The following ARHGAP26 variants were observed in gnomAD, a reference collection of about 807,000 sequenced individuals.
The protein encoded by ARHGAP26 is Rho GTPase activating protein 26, also known as rho GTPase-activating protein 26.
Under a neutral mutation model 104.8 loss-of-function variants are expected in ARHGAP26, and 38 were observed. The observed-to-expected ratio is 0.36, with a 90% confidence interval of 0.28 to 0.48. The LOEUF (loss-of-function observed/expected upper bound fraction) is 0.48, where lower values mean the gene tolerates loss of function less well. Among genes scored for constraint, ARHGAP26 ranks in the 20% least tolerant of loss-of-function variants. The pLI, the probability that ARHGAP26 is intolerant of heterozygous loss-of-function variation, is 0.99. For missense variants in ARHGAP26, 704 were observed against 947.9 expected (o/e 0.74, Z 3.38); for synonymous variants, 341 against 340.0 (o/e 1.00, Z -0.03).
At chr5:142,805,124 A>G (rs893270501) in intron 1 of ARHGAP26, among the ~76,000 whole-genome samples, 5 of 121,254 alleles carry the variant, frequency 4.1e-5, no homozygotes, top group African/African-American at 1.6e-4. Flanking sequence ...TTTTTTTGAG[A>G]TGGAGTTTCA....
chr5:142,991,438 A>C (rs1435786010), intron 11 of ARHGAP26, among the ~76,000 whole-genome samples: 1 of 152,054 alleles, frequency 6.6e-6, no homozygotes, highest in African/African-American at 2.4e-5. Context: ...TGCCCTGCTT[A>C]GGCTCACACT....
Position 143,056,083 on chromosome 5 carries a change from G to T in ARHGAP26, c.1429G>T (p.Ala477Ser). ...GTTTCAAAGAAGTTTCATCAAAGCA[G>T]CAAGTAAGTCTTTTTTGTCTCAGTT... ...YQFQRSFIKA[A>S]KLENQESRVS... is the part of the protein sequence containing the mutation. The change falls in exon 16 of 23, where the codon GCA (alanine) becomes TCA (serine). Residue 477 changes from alanine to serine, a missense_variant. Ala to Ser is a moderately conservative substitution (Grantham distance 99, BLOSUM62 1). Coordinates refer to ENST00000645722, the MANE Select transcript of ARHGAP26 (RefSeq NM_001135608.3). 6.2e-7 allele frequency: 1 copy of T among 1,612,702 alleles called. No homozygotes were observed.
chr5:142,864,928 C>T (rs1753999188), intron 1 of ARHGAP26, among the ~76,000 whole-genome samples: 1 of 152,366 alleles, frequency 6.6e-6, no homozygotes, highest in South Asian at 2.1e-4. Flanking sequence ...TTACCTTCCC[C>T]TTGCCCCGTG....
chr5:143,207,819 G>A (rs1808812411), intron 21 of ARHGAP26, among the ~76,000 whole-genome samples: 1 of 152,230 alleles, frequency 6.6e-6, no homozygotes, highest in Non-Finnish European at 1.5e-5. Flanking sequence ...ATGTTTATCA[G>A]GCAGCGTCAG....
In ARHGAP26 at chr5:143,041,899, C is replaced by A. The variant is rs754571590; in HGVS notation, c.1285+9C>A. 6.3e-7 allele frequency: 1 copy of A among 1,577,780 alleles called. No individual in the cohort carries two copies. The highest frequency in any genetic ancestry group is 8.6e-7 in the Non-Finnish European group (1 of 1,161,080). Reference sequence around the variant, plus strand: ...GCTGAGTGTCCTGATGGGTGAGTGCCGCAGTGGCTCTGCTAGGCAGGTCCC... The same window carrying A: ...GCTGAGTGTCCTGATGGGTGAGTGCAGCAGTGGCTCTGCTAGGCAGGTCCC... On this transcript the variant is annotated intron_variant, in intron 14 of 22. Transcript: ENST00000645722.
Position 143,223,367 on chromosome 5 carries a change from C to T in ARHGAP26, c.*921C>T, listed in dbSNP as rs548949353. 9 of 232,832 alleles carry T rather than the reference C, an allele frequency of 3.9e-5. No homozygotes were observed. The South Asian group carries it at 1.3e-3, about 33-fold the overall frequency. 14.4% of individuals were successfully genotyped at this position (232,832 alleles called of 1,614,324 possible). A position where few individuals can be genotyped will look rare whatever the true frequency, so the allele number is the denominator to read the frequency against. The stretch of plus-strand genomic sequence containing the variant: ...TTCCCTTTCTGATTAATTTCAGCAG[C>T]ATCGGAATATATTTGGAGCACACCC... On this transcript the variant is annotated 3_prime_UTR_variant, in exon 23 of 23. Transcript: ENST00000645722.
intron 1 of ARHGAP26, among the ~76,000 whole-genome samples, chr5:142,781,614 G>C (rs1162400071): frequency 6.6e-6 from 1 of 152,188 alleles, no homozygotes; most frequent in East Asian, 1.9e-4. Context: ...AGGAGGCTGT[G>C]TGCCAGGGAA....
chr5:142,813,206 G>A (rs143609737), intron 1 of ARHGAP26, among the ~76,000 whole-genome samples: 16,114 of 152,208 alleles, frequency 0.11, 1,234 homozygotes, highest in Non-Finnish European at 0.17. Flanking sequence ...CTCCCAGAGT[G>A]CGGGGATTAC....
At chr5:142,804,302 A>G (rs1210883895) in intron 1 of ARHGAP26, among the ~76,000 whole-genome samples, 1 of 152,196 alleles carries the variant, frequency 6.6e-6, no homozygotes, top group African/African-American at 2.4e-5. Flanking sequence ...TAACTATTAC[A>G]CATAACTTGC....
rs866866372 is a variant in ARHGAP26 at position 142,831,697 on chromosome 5, C to T, written c.155-41703C>T. Among the ~76,000 whole-genome samples, 14 of 152,238 alleles carry T rather than the reference C, an allele frequency of 9.2e-5. No individual in the cohort carries two copies. In the South Asian group the frequency reaches 2.9e-3, roughly 32 times the overall value. ...AACCTGCAGCCCCCACCCTCTGCCA[C>T]CCATCCCTGGGTCTTTGGATGGTGA... On this transcript the variant is annotated intron_variant, in intron 1 of 22. Transcript: ENST00000645722.
At chr5:142,821,276 T>C (rs1347127859) in intron 1 of ARHGAP26, among the ~76,000 whole-genome samples, 1 of 150,650 alleles carries the variant, frequency 6.6e-6, no homozygotes, top group Non-Finnish European at 1.5e-5. Flanking sequence ...TGGCAGCAGT[T>C]GGCAGGCTTC....
At chr5:143,180,767 C>T (rs1804219496) in intron 20 of ARHGAP26, among the ~76,000 whole-genome samples, 1 of 152,190 alleles carries the variant, frequency 6.6e-6, no homozygotes, top group African/African-American at 2.4e-5. Context: ...TCTCCCTAGA[C>T]ATGTGGGAAT....
intron 1 of ARHGAP26, among the ~76,000 whole-genome samples, chr5:142,777,740 G>A (rs553400538): frequency 6.6e-6 from 1 of 152,098 alleles, no homozygotes; most frequent in Non-Finnish European, 1.5e-5. Context: ...AGTCATTAGC[G>A]GGGAGATTGA....
chr5:142,897,974 A>G (rs1336058176), intron 6 of ARHGAP26, among the ~76,000 whole-genome samples: 2 of 152,176 alleles, frequency 1.3e-5, no homozygotes, highest in Admixed American at 6.5e-5. Context: ...AGTCAAGGGA[A>G]TCTTCCAGTC....
chr5:143,153,534 GTCAGGGAATGCCCCA>G (rs1467802571), intron 20 of ARHGAP26, among the ~76,000 whole-genome samples: 1 of 152,208 alleles, frequency 6.6e-6, no homozygotes, highest in Non-Finnish European at 1.5e-5. Context: ...TGAGAAAGAA[GTCAGGGAATGCCCCA>G]CCAGGGACAT....
intron 11 of ARHGAP26, among the ~76,000 whole-genome samples, chr5:142,935,626 A>G (rs1052384129): frequency 1.3e-5 from 2 of 152,228 alleles, no homozygotes. Context: ...TTATTGGACT[A>G]ACTACTTGGT....
intron 17 of ARHGAP26, among the ~76,000 whole-genome samples, chr5:143,064,875 T>A (rs572489465): frequency 8.5e-5 from 13 of 152,332 alleles, no homozygotes; most frequent in African/African-American, 3.1e-4. Flanking sequence ...ACATCACATG[T>A]AACGCCCATT....
In ARHGAP26 at chr5:142,902,093, TGGGC is replaced by T. The variant is rs1439376343; in HGVS notation, c.702+55_702+58del. On this transcript the variant is annotated intron_variant, in intron 7 of 22. Transcript: ENST00000645722. ...TATCTGGTTAAGGAAAAACAAAATA[TGGGC>T]CTGATTGCCCTAGAAACCATCCAGG... 4.5e-5 allele frequency: 66 copies of T among 1,480,650 alleles called. No individual in the cohort carries two copies. In the African/African-American group the frequency reaches 8.6e-4, roughly 19 times the overall value. The allele number at this position is 1,480,650 out of a possible 1,614,324, so 91.7% of individuals were successfully genotyped here.
At chr5:143,043,424 GCACTT>G (rs1182723485) in intron 14 of ARHGAP26, among the ~76,000 whole-genome samples, 1 of 152,112 alleles carries the variant, frequency 6.6e-6, no homozygotes, top group African/African-American at 2.4e-5. Flanking sequence ...TGGATGTACT[GCACTT>G]TGTCGAACCA....
Sources: gnomAD v4.1 joint callset for allele counts (sites outside exome capture counted in the v4.1 genomes callset) on GRCh38, gnomAD v4.1.1 for gene constraint, MANE v1.5 for transcripts, NCBI Gene and HGNC (gene_info 2026-07-23, HGNC 2026-07-21) for gene names.